The following MTFR1 variants were observed in gnomAD, a reference collection of about 807,000 sequenced individuals.
The protein encoded by MTFR1 is chondrocyte protein with a poly-proline region.
Under a neutral mutation model 38.8 loss-of-function variants are expected in MTFR1, and 28 were observed. The observed-to-expected ratio is 0.72, with a 90% confidence interval of 0.53 to 0.99. The LOEUF is 0.99. MTFR1 is among the 50% of genes least tolerant of loss of function. The pLI is 0.00. For missense variants in MTFR1, 358 were observed against 395.5 expected (o/e 0.91, Z 0.81); for synonymous variants, 145 against 137.0 (o/e 1.06, Z -0.41).
At chr8:65,760,892 T>A (rs1408402070) in intron 3 of MTFR1, among the ~76,000 whole-genome samples, 1 of 151,346 alleles carries the variant, frequency 6.6e-6, no homozygotes, top group East Asian at 1.9e-4. Flanking sequence ...GGAAAGGATA[T>A]CAAGCTGAAT....
intron 3 of MTFR1, chr8:65,734,873 T>C (rs1807058358): frequency 6.2e-7 from 1 of 1,610,272 alleles, no homozygotes; most frequent in Non-Finnish European, 8.5e-7. Context: ...ATTTTGACTG[T>C]GGTAATCTTC....
At chr8:65,722,359 C>A (rs1022736298) in intron 3 of MTFR1, 2 of 152,286 alleles carry the variant, frequency 1.3e-5, no homozygotes, top group Non-Finnish European at 2.9e-5. Flanking sequence ...CCATGAGTAT[C>A]CATTGCAATC....
At chr8:65,674,081 T>G (rs1425017084) in intron 2 of MTFR1, among the ~76,000 whole-genome samples, 1 of 152,036 alleles carries the variant, frequency 6.6e-6, no homozygotes, top group Non-Finnish European at 1.5e-5. Context: ...TGCAGGAAAG[T>G]GAAATGCATT....
intron 1 of MTFR1, among the ~76,000 whole-genome samples, chr8:65,654,100 G>T (rs908436362): frequency 2.0e-5 from 3 of 149,452 alleles, no homozygotes; most frequent in African/African-American, 7.4e-5. Flanking sequence ...CACAAAAGTA[G>T]TACATGTATC....
chr8:65,774,142 C>T (rs1311976770), downstream of MTFR1, among the ~76,000 whole-genome samples: 1 of 152,168 alleles, frequency 6.6e-6, no homozygotes. Flanking sequence ...CTGGAAGCAA[C>T]CAATGTTATC....
intron 3 of MTFR1, among the ~76,000 whole-genome samples, chr8:65,751,251 T>G (rs1376932876): frequency 6.6e-6 from 1 of 152,188 alleles, no homozygotes; most frequent in Non-Finnish European, 1.5e-5. Context: ...TGTCTAAGAT[T>G]TAATAGAGGA....
downstream of MTFR1, among the ~76,000 whole-genome samples, chr8:65,715,371 A>C (rs1266916995): frequency 6.6e-6 from 1 of 151,308 alleles, no homozygotes; most frequent in Non-Finnish European, 1.5e-5. Flanking sequence ...CCCTGTCTCT[A>C]TAAAAAAGTT....
chr8:65,719,098 G>C (rs529069352), intron 2 of MTFR1: 1 of 587,288 alleles, frequency 1.7e-6, no homozygotes, highest in South Asian at 2.1e-5. Flanking sequence ...TCATATTGCT[G>C]TATGTTCGGG....
At chr8:65,711,950 A>G (rs1563461461), downstream of MTFR1, among the ~76,000 whole-genome samples, 1 of 152,214 alleles carries the variant, frequency 6.6e-6, no homozygotes, top group Admixed American at 6.5e-5. Context: ...CAGCTCAAAC[A>G]GTGCCTCCTG....
intron 3 of MTFR1, chr8:65,747,598 G>C: frequency 9.1e-7 from 1 of 1,100,480 alleles, no homozygotes; most frequent in Non-Finnish European, 1.3e-6. Flanking sequence ...GGGAATAAAG[G>C]CCTTCAGTAA....
At chr8:65,700,363 AAAAG>A (rs1204537843) in intron 4 of MTFR1, among the ~76,000 whole-genome samples, 5 of 151,282 alleles carry the variant, frequency 3.3e-5, no homozygotes, top group Admixed American at 6.6e-5. Context: ...AAAAAAAAAA[AAAAG>A]AAAAAAGAAA....
chr8:65,753,539 A>G (rs1022592730), intron 3 of MTFR1, among the ~76,000 whole-genome samples: 2 of 152,212 alleles, frequency 1.3e-5, no homozygotes, highest in Non-Finnish European at 2.9e-5. Context: ...GCTTTAAAAA[A>G]GAAAAATTAA....
At chr8:65,680,974 G>A (rs1046622385) in intron 2 of MTFR1, among the ~76,000 whole-genome samples, 3 of 146,696 alleles carry the variant, frequency 2.0e-5, no homozygotes, top group Non-Finnish European at 1.5e-5. Flanking sequence ...CTGCAGTGGC[G>A]CAATCTCGGC....
At chr8:65,662,598 AG>A (rs1809466435) in intron 1 of MTFR1, among the ~76,000 whole-genome samples, 2 of 130,718 alleles carry the variant, frequency 1.5e-5, no homozygotes, top group Admixed American at 7.8e-5. Context: ...CTGGCTGCCC[AG>A]TCTGGGATGT....
intron 3 of MTFR1, among the ~76,000 whole-genome samples, chr8:65,750,971 G>T (rs1239964955): frequency 2.0e-5 from 3 of 152,122 alleles, no homozygotes; most frequent in Non-Finnish European, 4.4e-5. Flanking sequence ...ATCTCATAAA[G>T]AAACCTACAT....
intron 1 of MTFR1, among the ~76,000 whole-genome samples, chr8:65,662,984 G>A (rs908491244): frequency 6.6e-6 from 1 of 152,008 alleles, no homozygotes; most frequent in Admixed American, 6.5e-5. Context: ...CCCCTACTGG[G>A]AAGGGAGGAG....
intron 3 of MTFR1, among the ~76,000 whole-genome samples, chr8:65,746,056 G>A (rs948621156): frequency 2.0e-5 from 3 of 151,712 alleles, no homozygotes; most frequent in Non-Finnish European, 2.9e-5. Context: ...TCAGCCTCCC[G>A]AGAAGCTGGG....
intron 1 of MTFR1, among the ~76,000 whole-genome samples, chr8:65,647,177 G>A (rs576238570): frequency 2.4e-4 from 36 of 152,352 alleles, no homozygotes; most frequent in Admixed American, 1.3e-3. Flanking sequence ...AGGATTAGCA[G>A]TTGGTTGACC....
intron 3 of MTFR1, among the ~76,000 whole-genome samples, chr8:65,721,464 C>A (rs1433676116): frequency 2.6e-5 from 4 of 152,088 alleles, no homozygotes; most frequent in Non-Finnish European, 5.9e-5. Flanking sequence ...ATGAAGTGGG[C>A]AAACCATCTG....
Sources: allele counts gnomAD v4.1 joint callset (sites outside exome capture counted in the v4.1 genomes callset), GRCh38; gene constraint gnomAD v4.1.1; transcripts MANE v1.5; gene names NCBI Gene and HGNC (gene_info 2026-07-23, HGNC 2026-07-21).